The following IGF1 variants were observed in gnomAD, a reference collection of about 807,000 sequenced individuals.
IGF1 encodes the protein insulin-like growth factor 1.
A neutral mutation model predicts 13.8 loss-of-function variants in IGF1; 4 were observed. That is an observed-to-expected ratio of 0.29 (90% CI 0.14 to 0.66). The LOEUF (loss-of-function observed/expected upper bound fraction) is 0.66, where lower values mean the gene tolerates loss of function less well. Ranked by LOEUF, IGF1 falls within the 30% of genes least tolerant of loss-of-function variation. The pLI is 0.78. For missense variants in IGF1, 124 were observed against 188.5 expected (o/e 0.66, Z 2.00); for synonymous variants, 76 against 72.6 (o/e 1.05, Z -0.23).
Position 102,397,439 on chromosome 12 carries a change from G to A in IGF1, c.*5068C>T, listed in dbSNP as rs1203575574. 1 of 152,024 alleles carries A rather than the reference G, an allele frequency of 6.6e-6. No homozygotes were observed. The highest frequency in any genetic ancestry group is 6.6e-5 in the Admixed American group (1 of 15,248). The allele number at this position is 152,024 out of a possible 1,614,324, so 9.4% of individuals were successfully genotyped here. A position where few individuals can be genotyped will look rare whatever the true frequency, so the allele number is the denominator to read the frequency against. On this transcript the variant is annotated 3_prime_UTR_variant, in exon 4 of 4. Coordinates refer to ENST00000337514, the MANE Select transcript of IGF1 (RefSeq NM_000618.5). Reference sequence around the variant, plus strand: ...AAAAGCATTGTTCCAGATAGGAATTGGTTATTTAAATTGATATCTTTATCC... The same window carrying A: ...AAAAGCATTGTTCCAGATAGGAATTAGTTATTTAAATTGATATCTTTATCC...
chr12:102,420,301 T>C (rs1337149731), intron 2 of IGF1, among the ~76,000 whole-genome samples: 3 of 152,196 alleles, frequency 2.0e-5, no homozygotes, highest in African/African-American at 7.2e-5. Context: ...CCCAAGTGCC[T>C]CATTGAGGAG....
chr12:102,414,456 C>T (rs2136978037), intron 3 of IGF1, among the ~76,000 whole-genome samples: 1 of 152,218 alleles, frequency 6.6e-6, no homozygotes, highest in Non-Finnish European at 1.5e-5. Context: ...GAGTCTCACT[C>T]TGTCACCCAA....
intron 2 of IGF1, among the ~76,000 whole-genome samples, chr12:102,468,062 G>A (rs982959665): frequency 3.9e-5 from 6 of 152,088 alleles, no homozygotes; most frequent in African/African-American, 1.2e-4. Flanking sequence ...TTGAACAATC[G>A]GGTAGTTTTA....
intron 2 of IGF1, among the ~76,000 whole-genome samples, chr12:102,450,766 G>A (rs962808946): frequency 2.0e-5 from 3 of 152,130 alleles, no homozygotes; most frequent in Non-Finnish European, 4.4e-5. Flanking sequence ...TCTGTCTCTA[G>A]TTTTAAATCA....
In IGF1 at chr12:102,439,973, G is replaced by A. The variant is rs184847218; in HGVS notation, c.221-20283C>T. Among the ~76,000 whole-genome samples the A allele has an allele frequency of 5.3e-5, 8 of 152,268 alleles. No individual in the cohort carries two copies. In the East Asian group the frequency reaches 1.5e-3, roughly 29 times the overall value. On this transcript the variant is annotated intron_variant, in intron 2 of 3. Coordinates refer to ENST00000337514, the MANE Select transcript of IGF1 (RefSeq NM_000618.5). ...AACTTGCTGACCCCAGGCGCTGTGG[G>A]AAGCTGAGCAATTGCTACTCTGGAG...
intron 2 of IGF1, among the ~76,000 whole-genome samples, chr12:102,458,194 A>G (rs1487570913): frequency 6.6e-6 from 1 of 152,166 alleles, no homozygotes; most frequent in Non-Finnish European, 1.5e-5. Flanking sequence ...ACACTTTTGA[A>G]TGCAGCATAC....
intron 2 of IGF1, among the ~76,000 whole-genome samples, chr12:102,426,376 G>A (rs1171884864): frequency 1.3e-5 from 2 of 152,240 alleles, no homozygotes; most frequent in Non-Finnish European, 1.5e-5. Flanking sequence ...CTATATAAAT[G>A]TTGACAATTA....
chr12:102,399,343 A>G lies in IGF1; in HGVS notation c.*3164T>C, dbSNP rs543608708. On this transcript the variant is annotated 3_prime_UTR_variant, in exon 4 of 4. Transcript: ENST00000337514. ...GGTCAATTAAATTGGAAATAAGCCT[A>G]TGAGTTGAAAGCTCATTCTTACCAA... is the stretch of plus-strand genomic sequence containing the variant. 2 of 152,664 alleles carry G rather than the reference A, an allele frequency of 1.3e-5. No homozygotes were observed. The highest frequency in any genetic ancestry group is 4.1e-4 in the South Asian group (2 of 4,822). The allele number at this position is 152,664 out of a possible 1,614,324, so 9.5% of individuals were successfully genotyped here. A position where few individuals can be genotyped will look rare whatever the true frequency, so the allele number is the denominator to read the frequency against.
Position 102,402,056 on chromosome 12 carries a change from C to T in IGF1, c.*451G>A, listed in dbSNP as rs1873724469. On this transcript the variant is annotated 3_prime_UTR_variant, in exon 4 of 4. Transcript: ENST00000337514. ...AACAAGATTATCAGACACTGTAAAA[C>T]AAACAGCCCGAGTTGTGTAGAAAGA... 6.4e-6 allele frequency: 1 copy of T among 155,094 alleles called. No homozygotes were observed. Among genetic ancestry groups the T allele is most frequent in the Admixed American group, 6.5e-5 (1 of 15,332 alleles). The allele number at this position is 155,094 out of a possible 1,614,324, so 9.6% of individuals were successfully genotyped here.
chr12:102,422,287 T>C (rs1808666982), intron 2 of IGF1, among the ~76,000 whole-genome samples: 1 of 152,222 alleles, frequency 6.6e-6, no homozygotes, highest in African/African-American at 2.4e-5. Context: ...GCCATAAATA[T>C]AATTACCAAT....
chr12:102,441,906 G>GCTGCTTCTTCTTCTTCTTTCTTCTTCTT, intron 2 of IGF1, among the ~76,000 whole-genome samples: 1 of 100,292 alleles, frequency 1.0e-5, no homozygotes, highest in Non-Finnish European at 2.1e-5. Flanking sequence ...CTATTACACT[G>GCTGCTTCTTCTTCTTCTTTCTTCTTCTT]CTTCTTCTCC....
chr12:102,456,376 T>C (rs1341116099), intron 2 of IGF1, among the ~76,000 whole-genome samples: 3 of 151,898 alleles, frequency 2.0e-5, no homozygotes, highest in African/African-American at 7.3e-5. Flanking sequence ...TTAGGGAAAA[T>C]CAGAGAAAAT....
At chr12:102,414,818 T>C (rs536076140) in intron 3 of IGF1, among the ~76,000 whole-genome samples, 1 of 152,334 alleles carries the variant, frequency 6.6e-6, no homozygotes, top group South Asian at 2.1e-4. Flanking sequence ...AACAAATACT[T>C]TTCACCAATT....
intron 2 of IGF1, among the ~76,000 whole-genome samples, chr12:102,473,487 T>G (rs142753173): frequency 6.6e-6 from 1 of 152,348 alleles, no homozygotes; most frequent in Non-Finnish European, 1.5e-5. Context: ...AGAATACTTT[T>G]GGGCATGAAG....
At chr12:102,468,775 G>A (rs185772425) in intron 2 of IGF1, among the ~76,000 whole-genome samples, 3 of 152,340 alleles carry the variant, frequency 2.0e-5, no homozygotes, top group Admixed American at 2.0e-4. Flanking sequence ...TTGCCACCAT[G>A]GGTTGTCAAA....
chr12:102,422,836 A>G (rs1875853681), intron 2 of IGF1, among the ~76,000 whole-genome samples: 1 of 152,246 alleles, frequency 6.6e-6, no homozygotes, highest in Non-Finnish European at 1.5e-5. Context: ...CCCAGTGGGC[A>G]GAATCAGAGC....
upstream of IGF1, chr12:102,481,815 A>G (rs574870302): frequency 1.3e-5 from 2 of 151,096 alleles, no homozygotes; most frequent in East Asian, 3.9e-4. Context: ...GGACTGACAC[A>G]TCAACTGAAA....
chr12:102,476,410 T>TGAGAGAGAGAGAGA (rs36047405), intron 1 of IGF1, among the ~76,000 whole-genome samples: 2,967 of 139,014 alleles, frequency 0.021, 71 homozygotes, highest in East Asian at 0.039. Context: ...TTCCTCAATA[T>TGAGAGAGAGAGAGA]GAGAGAGAGA....
At chr12:102,413,558 GAT>G in intron 3 of IGF1, among the ~76,000 whole-genome samples, 1 of 152,216 alleles carries the variant, frequency 6.6e-6, no homozygotes, top group Middle Eastern at 3.4e-3. Context: ...GTTTTCAAGA[GAT>G]GTTTGAAAAA....
Sources: gnomAD v4.1 joint callset for allele counts (sites outside exome capture counted in the v4.1 genomes callset) on GRCh38, gnomAD v4.1.1 for gene constraint, MANE v1.5 for transcripts, NCBI Gene and HGNC (gene_info 2026-07-23, HGNC 2026-07-21) for gene names.